Variants in TIMM50 observed in about 807,000 individuals in gnomAD.
TIMM50 encodes translocase of inner mitochondrial membrane 50.
A neutral mutation model predicts 49.6 loss-of-function variants in TIMM50; 34 were observed. The observed-to-expected ratio is 0.69, with a 90% confidence interval of 0.52 to 0.91. The LOEUF (loss-of-function observed/expected upper bound fraction) is 0.91, where lower values mean the gene tolerates loss of function less well. TIMM50 is among the 40% of genes least tolerant of loss of function. The pLI is 0.00. For synonymous variants in TIMM50, 199 were observed against 198.4 expected, an observed-to-expected ratio of 1.00 and a Z score of -0.03; for missense variants, 458 against 477.8, an observed-to-expected ratio of 0.96 and a Z score of 0.39.
intron 1 of TIMM50, 68 bp downstream of exon 1, chr19:39,481,029 C>T (rs1600736029): frequency 4.8e-6 from 7 of 1,472,266 alleles, no homozygotes; most frequent in Non-Finnish European, 4.5e-6. Flanking sequence ...ATATCGCCGC[C>T]CCTTGGGGGT....
chr19:39,485,578 C>G lies in TIMM50; in HGVS notation c.348C>G (p.Tyr116Ter). Reference sequence around the variant, plus strand: ...TGGTACAGCAGTTGCGCCGGACATACAAATATTTCAAAGATTATAGACAGG... The same window carrying G: ...TGGTACAGCAGTTGCGCCGGACATAGAAATATTTCAAAGATTATAGACAGG... ...PILVQQLRRT[Y>*]KYFKDYRQMI... Residue 116 changes from tyrosine to a stop codon, truncating the protein, a stop_gained, in exon 5 of 11, where the codon TAC becomes TAG. Transcript: ENST00000607714. LOFTEE classifies it high-confidence loss of function. The G allele has an allele frequency of 6.2e-7, 1 of 1,614,102 alleles. No individual in the cohort carries two copies. The highest frequency in any genetic ancestry group is 8.5e-7 in the Non-Finnish European group (1 of 1,180,024).
intron 8 of TIMM50, among the ~76,000 whole-genome samples, chr19:39,486,863 G>A (rs907411917): frequency 6.6e-6 from 1 of 152,194 alleles, no homozygotes; most frequent in Non-Finnish European, 1.5e-5. Flanking sequence ...CCCGGGCTCT[G>A]TTACTGTGGC....
chr19:39,485,844 C>G, intron 6 of TIMM50, 37 bp downstream of exon 6: 1 of 1,612,394 alleles, frequency 6.2e-7, no homozygotes, highest in East Asian at 2.2e-5. Flanking sequence ...GGGGATAGAC[C>G]TGGGCAGTGG....
In TIMM50 at chr19:39,482,870, T is replaced by C; in HGVS notation, c.260-15T>C. 1 of 1,614,088 alleles carries C rather than the reference T, an allele frequency of 6.2e-7. No homozygotes were observed. On this transcript the variant is annotated splice_polypyrimidine_tract_variant and intron_variant, in intron 2 of 10. Coordinates refer to ENST00000607714, the MANE Select transcript of TIMM50 (RefSeq NM_001001563.5). ...GGGCCCTAATTCCTCATATTCATCCTGGTCTCCCTTGCAGGAAACAACCCG... is the reference window on the plus strand; with the variant it reads ...GGGCCCTAATTCCTCATATTCATCCCGGTCTCCCTTGCAGGAAACAACCCG...
chr19:39,485,981 T>C, intron 6 of TIMM50, 174 bp downstream of exon 6: 1 of 1,177,378 alleles, frequency 8.5e-7, no homozygotes, highest in Non-Finnish European at 1.2e-6. Context: ...CTCTGTAGGG[T>C]AGTGTAGGTG....
At position 39,490,377 on chromosome 19, in the gene TIMM50, AT is replaced by A. The variant is rs56770869; in HGVS notation, c.*573del. On this transcript the variant is annotated 3_prime_UTR_variant, in exon 11 of 11. Coordinates refer to ENST00000607714, the MANE Select transcript of TIMM50 (RefSeq NM_001001563.5). ...TCAAAAGAAGCAAGAACTTGGGAAT[AT>A]TTTTTTTTTTTTTTTGAGACAGGGT... is the stretch of plus-strand genomic sequence containing the variant. 0.029 allele frequency: 4,145 copies of A among 140,934 alleles called. 119 individuals carry two copies. Among genetic ancestry groups the A allele is most frequent in the African/African-American group, 0.081 (3,106 of 38,430 alleles). The allele number at this position is 140,934 out of a possible 1,614,324, so 8.7% of individuals were successfully genotyped here. A position where few individuals can be genotyped will look rare whatever the true frequency, so the allele number is the denominator to read the frequency against.
intron 8 of TIMM50, among the ~76,000 whole-genome samples, chr19:39,487,398 G>A (rs2079513913): frequency 6.6e-6 from 1 of 152,074 alleles, no homozygotes; most frequent in Non-Finnish European, 1.5e-5. Context: ...TCAGCCTCCT[G>A]AGTAGCTGGG....
chr19:39,481,599 G>C (rs1481540214), intron 1 of TIMM50, among the ~76,000 whole-genome samples: 5 of 151,986 alleles, frequency 3.3e-5, no homozygotes, highest in African/African-American at 1.2e-4. Context: ...CTTATTCTCC[G>C]TGCTTTGCTT....
rs779036799 is a variant in TIMM50, at chr19:39,480,904, C to A, written c.51C>A (p.Leu17=). The A allele has an allele frequency of 6.3e-7, 1 of 1,594,576 alleles. No individual in the cohort carries two copies. Among genetic ancestry groups the A allele is most frequent in the Non-Finnish European group, 8.5e-7 (1 of 1,176,122 alleles). Residue 17 remains leucine (L), a synonymous_variant, in exon 1 of 11, where the codon CTC becomes CTA. Transcript: ENST00000607714. The part of the protein sequence containing the change: ...VFSRLRSGLR[L]GSRGLCTRLA... ...CGCGCTTGCGAAGCGGGCTCCGGCT[C>A]GGCTCGCGGGGACTGTGCACGAGGT...
chr19:39,487,078 G>GCTGCAGATCTGT (rs1280839404), intron 8 of TIMM50, among the ~76,000 whole-genome samples: 1 of 152,094 alleles, frequency 6.6e-6, no homozygotes. Context: ...CCTGGGTGTG[G>GCTGCAGATCTGT]CTGCAGATCT....
chr19:39,483,805 A>C, intron 4 of TIMM50, among the ~76,000 whole-genome samples: 1 of 152,186 alleles, frequency 6.6e-6, no homozygotes, highest in East Asian at 1.9e-4. Context: ...TGCAGTTTTA[A>C]AGTGTATATG....
rs1326287646 is a variant in TIMM50 at position 39,492,935 on chromosome 19, C to G, written c.*3115C>G. 6.6e-6 allele frequency: 1 copy of G among 151,062 alleles called. No individual in the cohort carries two copies. The highest frequency in any genetic ancestry group is 2.4e-5 in the African/African-American group (1 of 41,064). The allele number at this position is 151,062 out of a possible 1,614,324, so 9.4% of individuals were successfully genotyped here. On this transcript the variant is annotated 3_prime_UTR_variant, in exon 11 of 11. Transcript: ENST00000607714. ...TGACTTTATCTCCCTCGCCCTGCCT[C>G]CATCCCCACATTGCCCCCCACTATC...
At chr19:39,481,003 C>A (rs777886382) in intron 1 of TIMM50, 42 bp downstream of exon 1, 7 of 1,534,366 alleles carry the variant, frequency 4.6e-6, no homozygotes, top group South Asian at 1.2e-5. Context: ...GGGGTCCCTT[C>A]CCTGGAGTTA....
chr19:39,486,612 T>G, intron 8 of TIMM50, 117 bp downstream of exon 8: 2 of 925,074 alleles, frequency 2.2e-6, no homozygotes, highest in Non-Finnish European at 3.4e-6. Context: ...CCAGATTCGA[T>G]TCCTGCTGGC....
rs2144742776 is a variant in TIMM50, at chr19:39,490,786, C to CT, written c.*967dup. 6.6e-6 allele frequency: 1 copy of CT among 152,140 alleles called. No individual in the cohort carries two copies. The highest frequency in any genetic ancestry group is 2.0e-4 in the East Asian group (1 of 5,084). 9.4% of individuals were successfully genotyped at this position (152,140 alleles called of 1,614,324 possible). A position where few individuals can be genotyped will look rare whatever the true frequency, so the allele number is the denominator to read the frequency against. On this transcript the variant is annotated 3_prime_UTR_variant, in exon 11 of 11. Transcript: ENST00000607714. ...CCTGTAATCCCAGCACTTTGGGAGGCTGAGGTGGGTGGATCACCTGAGGTC... is the reference window on the plus strand; with the variant it reads ...CCTGTAATCCCAGCACTTTGGGAGGCTTGAGGTGGGTGGATCACCTGAGGTC...
At chr19:39,486,030 C>A in intron 6 of TIMM50, 157 bp from the exon 7 acceptor site, 1 of 1,064,606 alleles carries the variant, frequency 9.4e-7, no homozygotes, top group Non-Finnish European at 1.4e-6. Flanking sequence ...GGAGCCAGAC[C>A]CGCAGTCACA....
In TIMM50 at chr19:39,482,758, T is replaced by G. The variant is rs1000402347; in HGVS notation, c.260-127T>G. 7 of 1,284,948 alleles carry G rather than the reference T, an allele frequency of 5.4e-6. No homozygotes were observed. The African/African-American group carries it at 8.9e-5, about 16-fold the overall frequency. 79.6% of individuals were successfully genotyped at this position (1,284,948 alleles called of 1,614,324 possible). A position where few individuals can be genotyped will look rare whatever the true frequency, so the allele number is the denominator to read the frequency against. On this transcript the variant is annotated intron_variant, in intron 2 of 10. Transcript: ENST00000607714. The stretch of plus-strand genomic sequence containing the variant: ...CTTGGCTCCCAGCCCCCTCCTGGCT[T>G]GACTCCAGGAGGCTGTGCCTCTCTC...
intron 4 of TIMM50, 64 bp downstream of exon 4, chr19:39,483,220 T>C: frequency 6.2e-7 from 1 of 1,603,436 alleles, no homozygotes; most frequent in Non-Finnish European, 8.5e-7. Context: ...TGTAAGGATG[T>C]CTCTCTCCCC....
In TIMM50 at chr19:39,485,687, G is replaced by T. The variant is rs2079500094; in HGVS notation, c.373-1G>T. 3 of 1,613,978 alleles carry T rather than the reference G, an allele frequency of 1.9e-6. No homozygotes were observed. On this transcript the variant is annotated splice_acceptor_variant, in intron 5 of 10. Transcript: ENST00000607714. LOFTEE classifies it high-confidence loss of function. ...GCCCCCATCCTGTCCCTCTCCCACA[G>T]ATGATCATCGAGCCCACCAGCCCTT...
Sources: gnomAD v4.1 joint callset for allele counts (sites outside exome capture counted in the v4.1 genomes callset) on GRCh38, gnomAD v4.1.1 for gene constraint, MANE v1.5 for transcripts, NCBI Gene and HGNC (gene_info 2026-07-23, HGNC 2026-07-21) for gene names.